HLCS: variants seen among roughly 807,000 people sequenced by gnomAD.
HLCS encodes the protein biotin--protein ligase.
In HLCS, 53 loss-of-function variants were observed where a neutral mutation model predicts 75.0. That is an observed-to-expected ratio of 0.71 (90% CI 0.57 to 0.89). HLCS has a LOEUF of 0.89. Among genes scored for constraint, HLCS ranks in the 40% least tolerant of loss-of-function variants. HLCS has a pLI of 0.00. For synonymous variants in HLCS, 431 were observed against 428.6 expected, an observed-to-expected ratio of 1.01 and a Z score of -0.07; for missense variants, 966 against 1,074.0, an observed-to-expected ratio of 0.90 and a Z score of 1.41.
intron 1 of HLCS, among the ~76,000 whole-genome samples, chr21:36,984,946 A>C (rs1288965799): frequency 2.0e-5 from 3 of 151,902 alleles, no homozygotes; most frequent in African/African-American, 7.3e-5. Context: ...AAGCAACAGC[A>C]CAGCTAAGGG....
At chr21:36,919,740 C>A (rs937890853) in intron 5 of HLCS, among the ~76,000 whole-genome samples, 5 of 151,760 alleles carry the variant, frequency 3.3e-5, no homozygotes, top group African/African-American at 1.2e-4. Flanking sequence ...GAGAATTAGC[C>A]TGAAATAAAT....
intron 5 of HLCS, among the ~76,000 whole-genome samples, chr21:36,929,042 T>C (rs542179735): frequency 1.3e-5 from 2 of 152,370 alleles, no homozygotes; most frequent in East Asian, 1.9e-4. Flanking sequence ...AGCCCTGACA[T>C]GGGTATTTCA....
intron 6 of HLCS, among the ~76,000 whole-genome samples, chr21:36,825,293 C>T (rs1000352168): frequency 2.6e-5 from 4 of 152,084 alleles, no homozygotes; most frequent in South Asian, 2.1e-4. Context: ...GCGGCTGAGG[C>T]GGGAGGATCA....
intron 6 of HLCS, among the ~76,000 whole-genome samples, chr21:36,879,556 T>C (rs968662204): frequency 6.6e-6 from 1 of 152,318 alleles, no homozygotes; most frequent in Middle Eastern, 3.4e-3. Context: ...ATTTCCATTT[T>C]GGAATGGGGT....
At position 36,936,663 on chromosome 21, in the gene HLCS, C is replaced by A. The variant is rs761699713; in HGVS notation, c.1223G>T (p.Gly408Val). Reference sequence around the variant, plus strand: ...GTTCTGGACTGTCTTGTGCAGTGCACCCTTGCTTGTCACCTGAAAGCCACC... The same window carrying A: ...GTTCTGGACTGTCTTGTGCAGTGCAACCTTGCTTGTCACCTGAAAGCCACC... Reference protein sequence around the residue: ...TFGGFQVTSKGALHKTVQNLV... With the variant: ...TFGGFQVTSKVALHKTVQNLV... Residue 408 changes from glycine (G) to valine (V), a missense_variant, in exon 4 of 11, where the codon GGT becomes GTT. Physicochemically the swap from Gly to Val is moderately radical, Grantham distance 109. Coordinates refer to ENST00000674895, the MANE Select transcript of HLCS (RefSeq NM_001352514.2). 1 of 1,614,164 alleles carries A rather than the reference C, an allele frequency of 6.2e-7. No individual in the cohort carries two copies. The highest frequency in any genetic ancestry group is 1.1e-5 in the South Asian group (1 of 91,082).
rs1184443267 is a variant in HLCS, at chr21:36,842,560, CAA to C, written c.1892+54298_1892+54299del. On this transcript the variant is annotated intron_variant, in intron 6 of 10. Coordinates refer to ENST00000674895, the MANE Select transcript of HLCS (RefSeq NM_001352514.2). This position sits in a 1 kb window ranked among gnomAD's most constrained non-coding sequence, Gnocchi z 4.2. ...TTCGAGACCAGCCTGGCCAACAATG[CAA>C]AACCTCATTTCTACTAAAAATACAA... is the stretch of plus-strand genomic sequence containing the variant. 3.3e-5 allele frequency among the ~76,000 whole-genome samples: 5 copies of C among 152,034 alleles called. No homozygotes were observed. Among genetic ancestry groups the C allele is most frequent in the African/African-American group, 1.2e-4 (5 of 41,366 alleles).
chr21:36,988,732 G>A (rs1309651381), intron 1 of HLCS, among the ~76,000 whole-genome samples: 1 of 152,156 alleles, frequency 6.6e-6, no homozygotes, highest in Non-Finnish European at 1.5e-5. Flanking sequence ...ACTTAGCAAC[G>A]GGATCAGTTA....
At chr21:36,806,720 A>G (rs1013447923) in intron 6 of HLCS, among the ~76,000 whole-genome samples, 1 of 152,210 alleles carries the variant, frequency 6.6e-6, no homozygotes, top group African/African-American at 2.4e-5. Flanking sequence ...TAAGTTGTTT[A>G]AGAGAGCGTA....
chr21:36,840,538 G>A lies in HLCS; in HGVS notation c.1892+56322C>T, dbSNP rs145791475. Among the ~76,000 whole-genome samples the A allele has an allele frequency of 4.5e-3, 692 of 152,130 alleles. 4 individuals carry two copies. The highest frequency in any genetic ancestry group is 0.015 in the African/African-American group (640 of 41,492). On this transcript the variant is annotated intron_variant, in intron 6 of 10. Coordinates refer to ENST00000674895, the MANE Select transcript of HLCS (RefSeq NM_001352514.2). ...TTTTAAAACTAAGTAGTGACATATC[G>A]TCATTATAAAGATTATAAAGTAATC...
At chr21:36,759,894 G>A (rs2089763316) in intron 8 of HLCS, 53 bp from the exon 9 acceptor site, 3 of 1,123,398 alleles carry the variant, frequency 2.7e-6, no homozygotes, top group Non-Finnish European at 4.1e-6. Flanking sequence ...AAGGGGCCCA[G>A]GCAAGTCACT....
rs143098733 is a variant in HLCS at position 36,988,761 on chromosome 21, A to T, written c.-393+1397T>A. On this transcript the variant is annotated intron_variant, in intron 1 of 11. Transcript: ENST00000336648. ...TCAGTTAGAACCGTGATGGTATCTC[A>T]GAGTACCCTGCATTTCTCCTCCTAT... Among the ~76,000 whole-genome samples, 792 of 152,276 alleles carry T rather than the reference A, an allele frequency of 5.2e-3. 7 individuals are homozygous for T. Among genetic ancestry groups the T allele is most frequent in the African/African-American group, 0.017 (725 of 41,540 alleles).
intron 1 of HLCS, among the ~76,000 whole-genome samples, chr21:36,984,891 A>G (rs1483234205): frequency 6.7e-6 from 1 of 149,598 alleles, no homozygotes; most frequent in Non-Finnish European, 1.5e-5. Context: ...TTTTTCATTT[A>G]ATATTTTCAA....
intron 1 of HLCS, among the ~76,000 whole-genome samples, chr21:36,977,877 C>A (rs768679328): frequency 7.9e-5 from 12 of 152,200 alleles, no homozygotes; most frequent in Non-Finnish European, 1.8e-4. Flanking sequence ...TGTGACCCAG[C>A]AACTGCCCAC....
chr21:36,951,973 C>G (rs1291444859), intron 2 of HLCS, among the ~76,000 whole-genome samples: 1 of 152,092 alleles, frequency 6.6e-6, no homozygotes, highest in Non-Finnish European at 1.5e-5. Context: ...ATCCATTTAT[C>G]TGTTGTTGGT....
intron 2 of HLCS, among the ~76,000 whole-genome samples, chr21:36,961,456 G>T (rs1157672192): frequency 6.6e-6 from 1 of 152,110 alleles, no homozygotes; most frequent in Non-Finnish European, 1.5e-5. Flanking sequence ...TGAGTTTGAG[G>T]CTTCAGTGAG....
At chr21:36,823,271 T>C (rs1569060900) in intron 6 of HLCS, among the ~76,000 whole-genome samples, 1 of 152,202 alleles carries the variant, frequency 6.6e-6, no homozygotes. Context: ...AATCAATGGA[T>C]AGTCTAAGAG....
At chr21:36,853,629 G>T (rs2063087880) in intron 6 of HLCS, among the ~76,000 whole-genome samples, 1 of 152,090 alleles carries the variant, frequency 6.6e-6, no homozygotes. Context: ...ATAACAATTT[G>T]GTAAGTCACA....
At chr21:36,965,938 T>TG (rs56685695) in intron 1 of HLCS, among the ~76,000 whole-genome samples, 2,485 of 151,570 alleles carry the variant, frequency 0.016, 37 homozygotes, top group Non-Finnish European at 0.028. Context: ...TGTTTTGTTT[T>TG]TTGTAGAGAG....
chr21:36,919,223 AT>A (rs1298736203), intron 5 of HLCS, among the ~76,000 whole-genome samples: 2 of 152,208 alleles, frequency 1.3e-5, no homozygotes, highest in Admixed American at 1.3e-4. Flanking sequence ...TTCACTCATT[AT>A]TTATATTTAC....
Sources: allele counts gnomAD v4.1 joint callset (sites outside exome capture counted in the v4.1 genomes callset), GRCh38; gene constraint gnomAD v4.1.1; non-coding constraint Gnocchi (gnomAD v3.1); transcripts MANE v1.5; gene names NCBI Gene and HGNC (gene_info 2026-07-23, HGNC 2026-07-21).